The following STXBP5L variants were observed in gnomAD, a reference collection of about 807,000 sequenced individuals.
The protein encoded by STXBP5L is syntaxin-binding protein 5-like.
A neutral mutation model predicts 144.5 loss-of-function variants in STXBP5L; 65 were observed. The ratio of observed to expected loss-of-function variants is 0.45; its 90% CI spans 0.37 to 0.55. STXBP5L has a LOEUF of 0.55. Ranked by LOEUF, STXBP5L falls within the 20% of genes least tolerant of loss-of-function variation. STXBP5L has a pLI of 0.00. For synonymous variants in STXBP5L, 505 were observed against 469.6 expected, an observed-to-expected ratio of 1.08 and a Z score of -0.97; for missense variants, 1,298 against 1,405.5, an observed-to-expected ratio of 0.92 and a Z score of 1.22.
chr3:121,073,361 CT>C (rs2041886453), intron 5 of STXBP5L, among the ~76,000 whole-genome samples: 1 of 152,210 alleles, frequency 6.6e-6, no homozygotes, highest in South Asian at 2.1e-4. Context: ...GCCCCCTCTG[CT>C]CCATCAGGGT....
At chr3:121,144,585 C>T (rs2045645258) in intron 7 of STXBP5L, among the ~76,000 whole-genome samples, 1 of 151,846 alleles carries the variant, frequency 6.6e-6, no homozygotes, top group African/African-American at 2.4e-5. Flanking sequence ...AAAAATAGAA[C>T]TACCTATATA....
intron 19 of STXBP5L, among the ~76,000 whole-genome samples, chr3:121,306,327 G>C (rs1040207613): frequency 6.6e-6 from 1 of 152,084 alleles, no homozygotes; most frequent in Non-Finnish European, 1.5e-5. Context: ...GTGTTACCAA[G>C]AGGTCAGAGG....
At position 120,988,796 on chromosome 3, in the gene STXBP5L, A is replaced by G. The variant is rs141111892; in HGVS notation, c.287+33759A>G. Among the ~76,000 whole-genome samples the G allele has an allele frequency of 3.0e-3, 459 of 152,136 alleles. 3 individuals are homozygous for G. Among genetic ancestry groups the G allele is most frequent in the African/African-American group, 0.01 (428 of 41,532 alleles). On this transcript the variant is annotated intron_variant, in intron 3 of 26. Coordinates refer to ENST00000471454, the MANE Select transcript of STXBP5L (RefSeq NM_001308330.2). ...GTCCATTGTACCCACAAGGTCATTT[A>G]TCATCCCTCTCCCTGTTCCCACTCT...
At chr3:121,039,982 C>T (rs185259826) in intron 3 of STXBP5L, among the ~76,000 whole-genome samples, 1 of 151,986 alleles carries the variant, frequency 6.6e-6, no homozygotes, top group African/African-American at 2.4e-5. Context: ...ATAGATAGAT[C>T]TATCTTCTGT....
intron 5 of STXBP5L, among the ~76,000 whole-genome samples, chr3:121,053,214 G>T (rs954684049): frequency 6.6e-6 from 1 of 151,956 alleles, no homozygotes; most frequent in Non-Finnish European, 1.5e-5. Context: ...ACTACCAATG[G>T]CTTTCTTCAC....
chr3:121,085,457 G>A (rs2042442767), intron 5 of STXBP5L, among the ~76,000 whole-genome samples: 1 of 152,120 alleles, frequency 6.6e-6, no homozygotes, highest in African/African-American at 2.4e-5. Flanking sequence ...AAACTGATAA[G>A]CAACTTCAGC....
chr3:121,171,468 AG>A (rs1191373958), intron 9 of STXBP5L, among the ~76,000 whole-genome samples: 1 of 152,214 alleles, frequency 6.6e-6, no homozygotes, highest in African/African-American at 2.4e-5. Flanking sequence ...CCATCGTCTC[AG>A]CCCAAAATCT....
chr3:121,137,080 G>A (rs2045290021), intron 7 of STXBP5L, among the ~76,000 whole-genome samples: 1 of 152,152 alleles, frequency 6.6e-6, no homozygotes, highest in Non-Finnish European at 1.5e-5. Flanking sequence ...CTATTTTAGG[G>A]TGGAGGGTGG....
intron 9 of STXBP5L, among the ~76,000 whole-genome samples, chr3:121,162,558 A>T (rs1386218862): frequency 1.3e-5 from 2 of 152,228 alleles, no homozygotes; most frequent in Admixed American, 1.3e-4. Context: ...ACAAAAGGCA[A>T]AATTGACAAA....
intron 10 of STXBP5L, among the ~76,000 whole-genome samples, chr3:121,217,107 G>A (rs1438818669): frequency 6.6e-6 from 1 of 152,160 alleles, no homozygotes; most frequent in African/African-American, 2.4e-5. Flanking sequence ...GTGGATCTTA[G>A]CTTGCTATGC....
intron 5 of STXBP5L, among the ~76,000 whole-genome samples, chr3:121,077,468 C>T (rs1377251208): frequency 1.3e-5 from 2 of 152,108 alleles, no homozygotes; most frequent in Non-Finnish European, 2.9e-5. Context: ...AAGCTGCAGA[C>T]CTTCACGGTG....
At chr3:121,300,032 C>T (rs991712218) in intron 19 of STXBP5L, among the ~76,000 whole-genome samples, 2 of 148,436 alleles carry the variant, frequency 1.3e-5, no homozygotes, top group Non-Finnish European at 3.0e-5. Flanking sequence ...TATAGTCAAA[C>T]TACTAAAACC....
chr3:120,951,836 C>G (rs914314631), intron 2 of STXBP5L, among the ~76,000 whole-genome samples: 12 of 152,188 alleles, frequency 7.9e-5, no homozygotes, highest in African/African-American at 2.6e-4. Flanking sequence ...AATCATGCTG[C>G]TATAAAGACA....
intron 18 of STXBP5L, among the ~76,000 whole-genome samples, chr3:121,277,958 C>G (rs908436458): frequency 2.6e-5 from 4 of 151,982 alleles, no homozygotes; most frequent in African/African-American, 9.7e-5. Context: ...TGAGTAGCTT[C>G]TGCACATGGA....
chr3:121,077,295 T>C (rs971454077), intron 5 of STXBP5L, among the ~76,000 whole-genome samples: 2 of 152,048 alleles, frequency 1.3e-5, no homozygotes, highest in Non-Finnish European at 2.9e-5. Flanking sequence ...CCAGAATTGG[T>C]GGGTTCTTGG....
chr3:121,328,157 C>G lies in STXBP5L; in HGVS notation c.2176+9617C>G, dbSNP rs112503938. Among the ~76,000 whole-genome samples the G allele has an allele frequency of 1.4e-3, 215 of 152,168 alleles. 2 individuals are homozygous for G. The Middle Eastern group carries it at 0.027, about 19-fold the overall frequency. On this transcript the variant is annotated intron_variant, in intron 20 of 26. Transcript: ENST00000471454. ...ACTAGATTTTCAGTAGAACATGTTG[C>G]CCAGATAAATTATTTCTGACATGGA...
intron 9 of STXBP5L, among the ~76,000 whole-genome samples, chr3:121,193,433 A>T (rs758171088): frequency 6.8e-6 from 1 of 147,838 alleles, no homozygotes; most frequent in Non-Finnish European, 1.5e-5. Context: ...ATGGATCTAG[A>T]GCTAGAAATA....
At chr3:121,343,930 T>C (rs1202253543) in intron 20 of STXBP5L, among the ~76,000 whole-genome samples, 10 of 148,004 alleles carry the variant, frequency 6.8e-5, no homozygotes, top group South Asian at 4.2e-4. Context: ...AAAAAGAGCC[T>C]GCATCACCAA....
At chr3:121,334,041 T>A (rs1489129002) in intron 20 of STXBP5L, among the ~76,000 whole-genome samples, 3 of 152,062 alleles carry the variant, frequency 2.0e-5, no homozygotes, top group African/African-American at 7.2e-5. Flanking sequence ...TCTCATGAGA[T>A]CTGATGGTTT....
Sources: allele counts gnomAD v4.1 joint callset (sites outside exome capture counted in the v4.1 genomes callset), GRCh38; gene constraint gnomAD v4.1.1; transcripts MANE v1.5; gene names NCBI Gene and HGNC (gene_info 2026-07-23, HGNC 2026-07-21).